Variants in CLMP observed in about 807,000 individuals in gnomAD.
CLMP encodes CXADR-like membrane protein.
CLMP carries 27 observed loss-of-function variants against 45.2 expected under a neutral mutation model. The ratio of observed to expected loss-of-function variants is 0.60; its 90% CI spans 0.44 to 0.82. CLMP has a LOEUF of 0.82. Among genes scored for constraint, CLMP ranks in the 40% least tolerant of loss-of-function variants. The pLI is 0.00. For missense variants in CLMP, 403 were observed against 448.4 expected, an observed-to-expected ratio of 0.90 and a Z score of 0.91; for synonymous variants, 167 against 171.4, an observed-to-expected ratio of 0.97 and a Z score of 0.20.
chr11:123,070,760 TA>T lies in CLMP; in HGVS notation c.*2713del, dbSNP rs918801855. The T allele has an allele frequency of 6.6e-6, 1 of 152,112 alleles. No individual in the cohort carries two copies. The highest frequency in any genetic ancestry group is 2.4e-5 in the African/African-American group (1 of 41,412). 9.4% of individuals were successfully genotyped at this position (152,112 alleles called of 1,614,324 possible). On this transcript the variant is annotated 3_prime_UTR_variant, in exon 7 of 7. Coordinates refer to ENST00000448775, the MANE Select transcript of CLMP (RefSeq NM_024769.5). ...CAGAGGAATAAAAATGTAGTTAGAG[TA>T]AGGGGTTTTATATTTTACAATGAGA...
intron 1 of CLMP, among the ~76,000 whole-genome samples, chr11:123,112,797 G>A (rs1187232220): frequency 1.1e-4 from 13 of 119,312 alleles, no homozygotes; most frequent in Non-Finnish European, 2.0e-4. Context: ...TTTTTGAGAC[G>A]AAGTCTCGCT....
intron 5 of CLMP, among the ~76,000 whole-genome samples, chr11:123,080,862 G>A (rs911796290): frequency 1.3e-5 from 2 of 152,060 alleles, no homozygotes; most frequent in African/African-American, 2.4e-5. Flanking sequence ...TAATAAGGGG[G>A]CGCTGGGTGT....
At position 123,073,241 on chromosome 11, in the gene CLMP, C is replaced by T. The variant is rs1431517288; in HGVS notation, c.*233G>A. On this transcript the variant is annotated 3_prime_UTR_variant, in exon 7 of 7. Coordinates refer to ENST00000448775, the MANE Select transcript of CLMP (RefSeq NM_024769.5). Reference sequence around the variant, plus strand: ...AGATTTGGACTCCTGCTTTCCCTTACTCTGGTCTAAAGGCACAATAAGATG... The same window carrying T: ...AGATTTGGACTCCTGCTTTCCCTTATTCTGGTCTAAAGGCACAATAAGATG... 4.4e-6 allele frequency: 2 copies of T among 454,276 alleles called. No homozygotes were observed. Among genetic ancestry groups the T allele is most frequent in the Non-Finnish European group, 7.7e-6 (2 of 259,198 alleles). 28.1% of individuals were successfully genotyped at this position (454,276 alleles called of 1,614,324 possible).
At chr11:123,092,268 CCACA>C (rs112488631) in intron 2 of CLMP, among the ~76,000 whole-genome samples, 6 of 148,046 alleles carry the variant, frequency 4.1e-5, no homozygotes, top group South Asian at 2.1e-4. Flanking sequence ...AATCTTGTCT[CCACA>C]CACACACACA....
At chr11:123,075,816 G>A (rs1440571684) in intron 5 of CLMP, among the ~76,000 whole-genome samples, 1 of 152,124 alleles carries the variant, frequency 6.6e-6, no homozygotes, top group East Asian at 1.9e-4. Flanking sequence ...CTCTGGCTCT[G>A]CCGACTTCCC....
chr11:123,087,769 C>T (rs1483781521), intron 2 of CLMP, among the ~76,000 whole-genome samples: 1 of 149,398 alleles, frequency 6.7e-6, no homozygotes, highest in African/African-American at 2.5e-5. Flanking sequence ...TCCAGTGAGC[C>T]AAGATCATGC....
chr11:123,187,330 T>C (rs1861849089), intron 1 of CLMP, among the ~76,000 whole-genome samples: 1 of 152,198 alleles, frequency 6.6e-6, no homozygotes, highest in African/African-American at 2.4e-5. Flanking sequence ...TTGGAAATAA[T>C]TGGAACTGTC....
chr11:123,150,449 A>AAGAT (rs1276983037), intron 1 of CLMP, among the ~76,000 whole-genome samples: 2 of 89,918 alleles, frequency 2.2e-5, no homozygotes, highest in Non-Finnish European at 4.7e-5. Context: ...GAAAGAAAGA[A>AAGAT]AGAAAGAAAG....
At chr11:123,141,286 A>G (rs1406445645) in intron 1 of CLMP, among the ~76,000 whole-genome samples, 1 of 137,382 alleles carries the variant, frequency 7.3e-6, no homozygotes, top group Non-Finnish European at 1.5e-5. Flanking sequence ...CCAGGTTCAC[A>G]CCATTCTCCT....
chr11:123,158,191 G>C (rs1270938677), intron 1 of CLMP, among the ~76,000 whole-genome samples: 1 of 152,148 alleles, frequency 6.6e-6, no homozygotes, highest in Non-Finnish European at 1.5e-5. Flanking sequence ...TCTGCACTGG[G>C]ATCTCAGGCA....
chr11:123,081,616 A>G (rs74236722), intron 5 of CLMP, among the ~76,000 whole-genome samples: 2 of 152,312 alleles, frequency 1.3e-5, no homozygotes, highest in Admixed American at 1.3e-4. Context: ...CATGCCGGTA[A>G]TCGCAGCACT....
At chr11:123,134,660 A>AGAAGT (rs1565392973) in intron 1 of CLMP, among the ~76,000 whole-genome samples, 1 of 151,424 alleles carries the variant, frequency 6.6e-6, no homozygotes, top group African/African-American at 2.4e-5. Flanking sequence ...AAAAATATAA[A>AGAAGT]AGCCCAGCAT....
intron 1 of CLMP, among the ~76,000 whole-genome samples, chr11:123,158,330 T>C (rs12281746): frequency 0.058 from 8,818 of 152,314 alleles, 297 homozygotes; most frequent in African/African-American, 0.095. Flanking sequence ...AATAGAATGC[T>C]GCAATCTTAA....
Position 123,074,687 on chromosome 11 carries a change from A to G in CLMP, c.821+15T>C, listed in dbSNP as rs760855526. Reference sequence around the variant, plus strand: ...AAACAGAAGCCCCGTAAAAGTAGGGATGTGGGAGGTTTACCGAATTTCATT... The same window carrying G: ...AAACAGAAGCCCCGTAAAAGTAGGGGTGTGGGAGGTTTACCGAATTTCATT... On this transcript the variant is annotated intron_variant, in intron 6 of 6. Coordinates refer to ENST00000448775, the MANE Select transcript of CLMP (RefSeq NM_024769.5). The G allele has an allele frequency of 6.2e-7, 1 of 1,613,182 alleles. No homozygotes were observed. Among genetic ancestry groups the G allele is most frequent in the African/African-American group, 1.3e-5 (1 of 74,876 alleles).
At position 123,097,880 on chromosome 11, in the gene CLMP, G is replaced by T. The variant is rs1417513286; in HGVS notation, c.101C>A (p.Pro34His). 7 of 1,610,410 alleles carry T rather than the reference G, an allele frequency of 4.3e-6. No homozygotes were observed. The highest frequency in any genetic ancestry group is 5.1e-6 in the Non-Finnish European group (6 of 1,178,322). The change falls in exon 2 of 7, where the codon CCC becomes CAC. Residue 34 changes from proline to histidine, a missense_variant. Pro to His is a moderately conservative substitution (Grantham distance 77). Transcript: ENST00000448775. ...TGGAAGCCCCAGTTGATGGTGGCAG[G>T]GCAAAGTGACCTTTTCCTCTGCCAC... ...KRVAEEKVTLPCHHQLGLPEK... is the reference protein window; with the variant it reads ...KRVAEEKVTLHCHHQLGLPEK...
chr11:123,193,463 G>A (rs895736775), intron 1 of CLMP, among the ~76,000 whole-genome samples: 1 of 152,222 alleles, frequency 6.6e-6, no homozygotes, highest in Non-Finnish European at 1.5e-5. Flanking sequence ...GGGAATCAAG[G>A]TGCCATCCAG....
chr11:123,089,788 A>G (rs552204312), intron 2 of CLMP, among the ~76,000 whole-genome samples: 72 of 139,048 alleles, frequency 5.2e-4, no homozygotes, highest in South Asian at 2.0e-3. Context: ...AAAAAAAAAA[A>G]AAAAAGAAAA....
intron 1 of CLMP, among the ~76,000 whole-genome samples, chr11:123,113,981 A>G (rs11218990): frequency 0.23 from 34,925 of 152,058 alleles, 4,188 homozygotes; most frequent in Admixed American, 0.29. Context: ...GCAAGAATGT[A>G]TGCTTTTGAT....
At chr11:123,080,769 A>G (rs1865795423) in intron 5 of CLMP, among the ~76,000 whole-genome samples, 1 of 152,242 alleles carries the variant, frequency 6.6e-6, no homozygotes, top group African/African-American at 2.4e-5. Context: ...CAGCTAAACC[A>G]AAATAGGCAC....
Sources: allele counts gnomAD v4.1 joint callset (sites outside exome capture counted in the v4.1 genomes callset), GRCh38; gene constraint gnomAD v4.1.1; transcripts MANE v1.5; gene names NCBI Gene and HGNC (gene_info 2026-07-23, HGNC 2026-07-21).